Variants in PCDHGA9 observed in about 807,000 individuals in gnomAD.
The protein encoded by PCDHGA9 is protocadherin gamma-A9.
PCDHGA9 carries 37 observed loss-of-function variants against 62.5 expected under a neutral mutation model. The ratio of observed to expected loss-of-function variants is 0.59; its 90% CI spans 0.46 to 0.78. The LOEUF (loss-of-function observed/expected upper bound fraction) is 0.78. PCDHGA9 is among the 30% of genes least tolerant of loss of function. PCDHGA9 has a pLI of 0.00. For missense variants in PCDHGA9, 1,138 were observed against 1,166.2 expected (o/e 0.98, Z 0.35); for synonymous variants, 459 against 484.6 (o/e 0.95, Z 0.69).
rs376057952 is a variant in PCDHGA9 at position 141,417,907 on chromosome 5, A to G, written c.2424+12531A>G. On this transcript the variant is annotated intron_variant, in intron 1 of 3. Transcript: ENST00000573521. Reference sequence around the variant, plus strand: ...GGCGCCGGGCCGGCCCGCGGCAGGTACTATTTCCTTTGCTGCTGCCTTTGT... The same window carrying G: ...GGCGCCGGGCCGGCCCGCGGCAGGTGCTATTTCCTTTGCTGCTGCCTTTGT... The G allele has an allele frequency of 3.6e-4, 571 of 1,596,132 alleles. 2 individuals are homozygous for G. In the African/African-American group the frequency reaches 5.1e-3, roughly 14 times the overall value.
Position 141,491,589 on chromosome 5 carries a change from C to T in PCDHGA9, c.2425-3218C>T. 6.2e-7 allele frequency: 1 copy of T among 1,613,926 alleles called. No homozygotes were observed. The highest frequency in any genetic ancestry group is 8.5e-7 in the Non-Finnish European group (1 of 1,180,024). ...GGACGTGCTTTTCACCGGCCTCGGA[C>T]GGCAGTGACTTCACTTTTCTAAGAC... On this transcript the variant is annotated intron_variant, in intron 1 of 3. Transcript: ENST00000573521. This position sits in a 1 kb window ranked among gnomAD's most constrained non-coding sequence, Gnocchi z 6.9.
chr5:141,501,132 G>T (rs371444727), intron 2 of PCDHGA9, among the ~76,000 whole-genome samples: 2 of 152,262 alleles, frequency 1.3e-5, no homozygotes, highest in East Asian at 3.9e-4. Flanking sequence ...CTCCCTAAGT[G>T]CTGGGATTAC....
At chr5:141,460,335 T>C (rs1201595717) in intron 1 of PCDHGA9, among the ~76,000 whole-genome samples, 3 of 152,194 alleles carry the variant, frequency 2.0e-5, no homozygotes, top group Non-Finnish European at 4.4e-5. Flanking sequence ...CTTATGATGA[T>C]TTTCTCCTAT....
chr5:141,511,453 T>G lies in PCDHGA9; in HGVS notation c.*280T>G. 1.7e-6 allele frequency: 1 copy of G among 595,822 alleles called. No individual in the cohort carries two copies. Among genetic ancestry groups the G allele is most frequent in the Non-Finnish European group, 2.8e-6 (1 of 360,062 alleles). 36.9% of individuals were successfully genotyped at this position (595,822 alleles called of 1,614,324 possible). ...GGTTACTGTAGACACCAAGAACCATTTGCCACACCCCGTTTAGTTACAGCT... is the reference window on the plus strand; with the variant it reads ...GGTTACTGTAGACACCAAGAACCATGTGCCACACCCCGTTTAGTTACAGCT... On this transcript the variant is annotated 3_prime_UTR_variant, in exon 4 of 4. Transcript: ENST00000573521.
In PCDHGA9 at chr5:141,431,375, G is replaced by T. The variant is rs139873616; in HGVS notation, c.2424+25999G>T. ...ACGCGCCCTGGACCGCGAAGAAAAGGCTGCTCACCACCTGGTCCTTACGGC... is the reference window on the plus strand; with the variant it reads ...ACGCGCCCTGGACCGCGAAGAAAAGTCTGCTCACCACCTGGTCCTTACGGC... On this transcript the variant is annotated intron_variant, in intron 1 of 3. Coordinates refer to ENST00000573521, the MANE Select transcript of PCDHGA9 (RefSeq NM_018921.3). This position sits in a 1 kb window ranked among gnomAD's most constrained non-coding sequence, Gnocchi z 4.8. 21 of 1,613,422 alleles carry T rather than the reference G, an allele frequency of 1.3e-5. No homozygotes were observed. The African/African-American group carries it at 2.8e-4, about 21-fold the overall frequency.
intron 2 of PCDHGA9, among the ~76,000 whole-genome samples, chr5:141,503,081 C>G (rs1354848667): frequency 6.6e-6 from 1 of 151,960 alleles, no homozygotes; most frequent in Non-Finnish European, 1.5e-5. Flanking sequence ...TCTCGATCTC[C>G]TGACCTCGTG....
chr5:141,434,474 A>G (rs979175338), intron 1 of PCDHGA9, among the ~76,000 whole-genome samples: 2 of 152,222 alleles, frequency 1.3e-5, no homozygotes, highest in Non-Finnish European at 2.9e-5. Context: ...GAATGAGGGC[A>G]AGGAACACCT....
chr5:141,476,557 C>T lies in PCDHGA9; in HGVS notation c.2425-18250C>T. On this transcript the variant is annotated intron_variant, in intron 1 of 3. Coordinates refer to ENST00000573521, the MANE Select transcript of PCDHGA9 (RefSeq NM_018921.3). This position sits in a 1 kb window ranked among gnomAD's most constrained non-coding sequence, Gnocchi z 7.6. ...AAATGAAATTGGAGATTAGCGAGGC[C>T]GTGGCTCCGGGGACGCGCTTTCCGC... The T allele has an allele frequency of 1.2e-6, 2 of 1,614,222 alleles. No homozygotes were observed. The highest frequency in any genetic ancestry group is 1.3e-5 in the African/African-American group (1 of 75,060).
Position 141,489,179 on chromosome 5 carries a change from C to T in PCDHGA9, c.2425-5628C>T. ...AGACTTCAGCTGCTGCATTCCAAGC[C>T]CTGGGTCTACCTTGGAGACAGGACA... On this transcript the variant is annotated intron_variant, in intron 1 of 3. Coordinates refer to ENST00000573521, the MANE Select transcript of PCDHGA9 (RefSeq NM_018921.3). The surrounding 1 kb of genome is among the most constrained non-coding windows in gnomAD (Gnocchi z 4.5). The T allele has an allele frequency of 8.0e-7, 1 of 1,243,186 alleles. No individual in the cohort carries two copies. The highest frequency in any genetic ancestry group is 1.1e-6 in the Non-Finnish European group (1 of 890,032). The allele number at this position is 1,243,186 out of a possible 1,614,324, so 77.0% of individuals were successfully genotyped here. A position where few individuals can be genotyped will look rare whatever the true frequency, so the allele number is the denominator to read the frequency against.
chr5:141,456,299 A>G (rs11167748), intron 1 of PCDHGA9, among the ~76,000 whole-genome samples: 25,602 of 152,048 alleles, frequency 0.17, 2,205 homozygotes, highest in South Asian at 0.22. Context: ...TCTAATGGAG[A>G]ACAGCAGCTA....
intron 2 of PCDHGA9, among the ~76,000 whole-genome samples, chr5:141,503,203 A>G (rs10477147): frequency 0.037 from 5,590 of 152,130 alleles, 132 homozygotes; most frequent in South Asian, 0.073. Flanking sequence ...TCAGCCTCTC[A>G]GTGCCCACCA....
At chr5:141,415,437 G>A in intron 1 of PCDHGA9, 1 of 1,614,200 alleles carries the variant, frequency 6.2e-7, no homozygotes, top group Non-Finnish European at 8.5e-7. Flanking sequence ...GGGCTTTCCT[G>A]CAGACCTATT....
intron 1 of PCDHGA9, chr5:141,410,046 G>T: frequency 6.2e-7 from 1 of 1,613,174 alleles, no homozygotes; most frequent in Non-Finnish European, 8.5e-7. Context: ...AGTGAGCCCG[G>T]ACTCTTCAGC....
Position 141,490,491 on chromosome 5 carries a change from A to T in PCDHGA9, c.2425-4316A>T. 1 of 1,614,098 alleles carries T rather than the reference A, an allele frequency of 6.2e-7. No individual in the cohort carries two copies. Among genetic ancestry groups the T allele is most frequent in the Non-Finnish European group, 8.5e-7 (1 of 1,180,022 alleles). ...GCCAGCCTTTGGACCGGGAGGCCAC[A>T]TCCCACTATATCATCGAGCTGCTGG... On this transcript the variant is annotated intron_variant, in intron 1 of 3. Coordinates refer to ENST00000573521, the MANE Select transcript of PCDHGA9 (RefSeq NM_018921.3). This position sits in a 1 kb window ranked among gnomAD's most constrained non-coding sequence, Gnocchi z 5.4.
In PCDHGA9 at chr5:141,432,039, G is replaced by A; in HGVS notation, c.2424+26663G>A. 1 of 1,614,176 alleles carries A rather than the reference G, an allele frequency of 6.2e-7. No individual in the cohort carries two copies. The highest frequency in any genetic ancestry group is 8.5e-7 in the Non-Finnish European group (1 of 1,180,028). ...AACATCACAGTGACCGCCACTGACC[G>A]GGGAACCCCGCCCCTATCCACGGAA... On this transcript the variant is annotated intron_variant, in intron 1 of 3. Coordinates refer to ENST00000573521, the MANE Select transcript of PCDHGA9 (RefSeq NM_018921.3). This position sits in a 1 kb window ranked among gnomAD's most constrained non-coding sequence, Gnocchi z 6.0.
At chr5:141,419,227 C>G in intron 1 of PCDHGA9, 1 of 1,614,024 alleles carries the variant, frequency 6.2e-7, no homozygotes, top group South Asian at 1.1e-5. Flanking sequence ...GACAGTCAGC[C>G]TACCTGGTCC....
intron 1 of PCDHGA9, chr5:141,418,010 G>A: frequency 6.2e-7 from 1 of 1,613,914 alleles, no homozygotes; most frequent in African/African-American, 1.3e-5. Flanking sequence ...GGGGAACCTC[G>A]CTAAGGATCT....
In PCDHGA9 at chr5:141,402,884, T is replaced by G; in HGVS notation, c.-69T>G. 6.7e-7 allele frequency: 1 copy of G among 1,481,582 alleles called. No individual in the cohort carries two copies. The highest frequency in any genetic ancestry group is 9.0e-7 in the Non-Finnish European group (1 of 1,116,382). The allele number at this position is 1,481,582 out of a possible 1,614,324, so 91.8% of individuals were successfully genotyped here. A position where few individuals can be genotyped will look rare whatever the true frequency, so the allele number is the denominator to read the frequency against. ...GAAAAGATCACCATACTTTGCAGGG[T>G]GGAAGAAAGAACCTGATGAAGCAGC... On this transcript the variant is annotated 5_prime_UTR_variant, in exon 1 of 4. Transcript: ENST00000573521.
rs138070043 is a variant in PCDHGA9, at chr5:141,512,950, AAAT to A, written c.*1783_*1785del. 5,271 of 152,332 alleles carry A rather than the reference AAAT, an allele frequency of 0.035. 119 individuals carry two copies. The highest frequency in any genetic ancestry group is 0.075 in the South Asian group (360 of 4,826). The allele number at this position is 152,332 out of a possible 1,614,324, so 9.4% of individuals were successfully genotyped here. On this transcript the variant is annotated 3_prime_UTR_variant, in exon 4 of 4. Coordinates refer to ENST00000573521, the MANE Select transcript of PCDHGA9 (RefSeq NM_018921.3). ...ATATGGCTTTTTTTCTTCGACAAAA[AAAT>A]AATAAAACGTTTCTTCTGAAAAGCT...
Sources: allele counts gnomAD v4.1 joint callset (sites outside exome capture counted in the v4.1 genomes callset), GRCh38; gene constraint gnomAD v4.1.1; non-coding constraint Gnocchi (gnomAD v3.1); transcripts MANE v1.5; gene names NCBI Gene and HGNC (gene_info 2026-07-23, HGNC 2026-07-21).